Variants in ZNF407 observed in about 807,000 individuals in gnomAD.
ZNF407 encodes the protein zinc finger protein 407.
In ZNF407, 17 loss-of-function variants were observed where a neutral mutation model predicts 131.2. The ratio of observed to expected loss-of-function variants is 0.13; its 90% CI spans 0.09 to 0.19. The LOEUF is 0.19. ZNF407 is among the 10% of genes least tolerant of loss of function. ZNF407 has a pLI of 1.00. For synonymous variants in ZNF407, 1,156 were observed against 1,062.0 expected, an observed-to-expected ratio of 1.09 and a Z score of -1.72; for missense variants, 2,681 against 2,830.6, an observed-to-expected ratio of 0.95 and a Z score of 1.20.
chr18:74,815,611 C>G (rs915049128), intron 4 of ZNF407, among the ~76,000 whole-genome samples: 2 of 152,080 alleles, frequency 1.3e-5, no homozygotes, highest in African/African-American at 4.8e-5. Flanking sequence ...CAATACTAAT[C>G]AAAAAATTGT....
Position 74,599,816 on chromosome 18 carries a change from G to A in ZNF407, c.-54+1879G>A, listed in dbSNP as rs925677081. 2.6e-5 allele frequency among the ~76,000 whole-genome samples: 4 copies of A among 152,320 alleles called. No individual in the cohort carries two copies. In the South Asian group the frequency reaches 8.3e-4, roughly 32 times the overall value. ...GAAGGTGGTTTGTATCCCAGATAGT[G>A]AGAAGAAGCCTAGTTTCTAAATCTA... On this transcript the variant is annotated intron_variant, in intron 1 of 8. Coordinates refer to ENST00000299687, the MANE Select transcript of ZNF407 (RefSeq NM_017757.3).
Position 74,866,432 on chromosome 18 carries a change from A to G in ZNF407, c.4878-10765A>G, listed in dbSNP as rs1971011254. Among the ~76,000 whole-genome samples the G allele has an allele frequency of 2.0e-5, 3 of 152,200 alleles. No homozygotes were observed. The South Asian group carries it at 6.2e-4, about 32-fold the overall frequency. ...AAGGCCGAGATGATGACAAAGTCCA[A>G]GACAATGAAATGCCTAAGTGTGGAA... On this transcript the variant is annotated intron_variant, in intron 4 of 8. Transcript: ENST00000299687.
chr18:74,604,309 C>T (rs1982704470), intron 1 of ZNF407, among the ~76,000 whole-genome samples: 1 of 152,200 alleles, frequency 6.6e-6, no homozygotes, highest in African/African-American at 2.4e-5. Context: ...AAGTTCCCTT[C>T]TCCCTATCCC....
intron 8 of ZNF407, among the ~76,000 whole-genome samples, chr18:74,990,500 A>T (rs1278723416): frequency 1.3e-5 from 2 of 152,222 alleles, no homozygotes; most frequent in Non-Finnish European, 2.9e-5. Flanking sequence ...ACTGTATATG[A>T]CAACAGAAAT....
chr18:74,867,697 C>T (rs1055915977), intron 4 of ZNF407, among the ~76,000 whole-genome samples: 6 of 152,030 alleles, frequency 3.9e-5, no homozygotes, highest in South Asian at 4.2e-4. Flanking sequence ...GCAGATATAC[C>T]GTGTTTTTCC....
chr18:74,952,977 T>C (rs1033928980), intron 8 of ZNF407, among the ~76,000 whole-genome samples: 2 of 152,148 alleles, frequency 1.3e-5, no homozygotes, highest in African/African-American at 4.8e-5. Context: ...TCATTTGGGC[T>C]TGGAGTGAAG....
chr18:74,707,170 T>C (rs951552664), intron 3 of ZNF407, among the ~76,000 whole-genome samples: 4 of 152,256 alleles, frequency 2.6e-5, no homozygotes, highest in Non-Finnish European at 4.4e-5. Flanking sequence ...AGGCAGTTCT[T>C]GTACTCTGGA....
intron 8 of ZNF407, among the ~76,000 whole-genome samples, chr18:74,979,498 G>A (rs1020573972): frequency 6.6e-6 from 1 of 152,110 alleles, no homozygotes; most frequent in African/African-American, 2.4e-5. Context: ...CGCCATGTTG[G>A]CCAGGCTGCT....
In ZNF407 at chr18:74,632,166, G is replaced by GA. The variant is rs1568131970; in HGVS notation, c.1148dup (p.Asp383GlufsTer26). On this transcript the variant is annotated frameshift_variant, in exon 2 of 9. Coordinates refer to ENST00000299687, the MANE Select transcript of ZNF407 (RefSeq NM_017757.3). LOFTEE classifies it high-confidence loss of function. Reference sequence around the variant, plus strand: ...TCCTGAAAACCAGAGTAGAAAGCTAGACACCTTAGTAACCTCAGAGGGTCT... The same window carrying GA: ...TCCTGAAAACCAGAGTAGAAAGCTAGAACACCTTAGTAACCTCAGAGGGTCT... 1 of 1,613,938 alleles carries GA rather than the reference G, an allele frequency of 6.2e-7. No homozygotes were observed. The highest frequency in any genetic ancestry group is 8.5e-7 in the Non-Finnish European group (1 of 1,179,888).
chr18:74,822,367 A>G (rs371325654), intron 4 of ZNF407, among the ~76,000 whole-genome samples: 5 of 152,220 alleles, frequency 3.3e-5, no homozygotes, highest in South Asian at 4.1e-4. Context: ...GGTACTGCCT[A>G]TGTTTTCTTC....
At chr18:74,854,543 G>A (rs1218467548) in intron 4 of ZNF407, among the ~76,000 whole-genome samples, 1 of 152,060 alleles carries the variant, frequency 6.6e-6, no homozygotes, top group Non-Finnish European at 1.5e-5. Context: ...AAAAGTTTAA[G>A]CTTTAGTTAT....
At chr18:74,769,035 G>C (rs1969305785) in intron 3 of ZNF407, among the ~76,000 whole-genome samples, 1 of 152,040 alleles carries the variant, frequency 6.6e-6, no homozygotes, top group East Asian at 1.9e-4. Flanking sequence ...CATTGCAGTG[G>C]GCTAACAATT....
intron 5 of ZNF407, among the ~76,000 whole-genome samples, chr18:74,880,677 T>C (rs1201290600): frequency 1.3e-5 from 2 of 152,158 alleles, no homozygotes; most frequent in Non-Finnish European, 2.9e-5. Flanking sequence ...CAAGCAATCT[T>C]TACTCAGCTC....
intron 8 of ZNF407, among the ~76,000 whole-genome samples, chr18:75,016,783 C>T (rs1973049642): frequency 6.6e-6 from 1 of 152,090 alleles, no homozygotes; most frequent in African/African-American, 2.4e-5. Context: ...TTTATTTCAT[C>T]CTAGCATCTT....
chr18:74,600,544 TA>T (rs1982533893), intron 1 of ZNF407, among the ~76,000 whole-genome samples: 1 of 152,130 alleles, frequency 6.6e-6, no homozygotes, highest in East Asian at 1.9e-4. Flanking sequence ...GGAGTCCTAC[TA>T]AATAGAAGGA....
chr18:74,949,286 G>A (rs1420848827), intron 8 of ZNF407, among the ~76,000 whole-genome samples: 1 of 152,192 alleles, frequency 6.6e-6, no homozygotes, highest in East Asian at 1.9e-4. Context: ...CTGGAACCCA[G>A]GCATTTTGCT....
chr18:74,754,281 A>C (rs1246313602), intron 3 of ZNF407, among the ~76,000 whole-genome samples: 2 of 151,644 alleles, frequency 1.3e-5, no homozygotes, highest in African/African-American at 2.4e-5. Flanking sequence ...AATTCTGTTG[A>C]TCTTTTCAAA....
At position 75,021,466 on chromosome 18, in the gene ZNF407, C is replaced by T. The variant is rs566298957; in HGVS notation, c.5429-41684C>T. 1.4e-4 allele frequency among the ~76,000 whole-genome samples: 21 copies of T among 152,078 alleles called. 2 individuals carry two copies. The South Asian group carries it at 4.4e-3, about 32-fold the overall frequency. ...TTATTTTTTTTTAGAGACAGGGTCT[C>T]ACTGCGTTAGCCAGGCTGGTCTCAA... On this transcript the variant is annotated intron_variant, in intron 8 of 8. Transcript: ENST00000299687.
At chr18:74,787,401 T>A (rs1969739549) in intron 4 of ZNF407, among the ~76,000 whole-genome samples, 1 of 152,216 alleles carries the variant, frequency 6.6e-6, no homozygotes, top group Non-Finnish European at 1.5e-5. Flanking sequence ...CAATGTGTTA[T>A]TACTAACAAT....
Sources: allele counts gnomAD v4.1 joint callset (sites outside exome capture counted in the v4.1 genomes callset), GRCh38; gene constraint gnomAD v4.1.1; transcripts MANE v1.5; gene names NCBI Gene and HGNC (gene_info 2026-07-23, HGNC 2026-07-21).